The following ZNF804B variants were observed in gnomAD, a reference collection of about 807,000 sequenced individuals.
The protein encoded by ZNF804B is zinc finger 804B.
In ZNF804B, 80 loss-of-function variants were observed where a neutral mutation model predicts 101.4. The ratio of observed to expected loss-of-function variants is 0.79; its 90% CI spans 0.66 to 0.95. The LOEUF (loss-of-function observed/expected upper bound fraction) is 0.95. Ranked by LOEUF, ZNF804B falls within the 40% of genes least tolerant of loss-of-function variation. The pLI is 0.00. For synonymous variants in ZNF804B, 622 were observed against 558.8 expected, an observed-to-expected ratio of 1.11 and a Z score of -1.59; for missense variants, 1,673 against 1,561.9, an observed-to-expected ratio of 1.07 and a Z score of -1.20.
intron 1 of ZNF804B, among the ~76,000 whole-genome samples, chr7:89,041,540 G>T (rs1299811720): frequency 6.6e-6 from 1 of 152,172 alleles, no homozygotes; most frequent in Non-Finnish European, 1.5e-5. Context: ...GATTGAGTCT[G>T]GAGACTTGGT....
chr7:88,914,098 T>G (rs1346879021), intron 1 of ZNF804B, among the ~76,000 whole-genome samples: 3 of 152,184 alleles, frequency 2.0e-5, no homozygotes, highest in Admixed American at 6.5e-5. Context: ...GGTGGGTTTG[T>G]GGACATATGC....
chr7:89,107,199 G>A (rs1443097511), intron 1 of ZNF804B, among the ~76,000 whole-genome samples: 1 of 151,964 alleles, frequency 6.6e-6, no homozygotes, highest in Non-Finnish European at 1.5e-5. Flanking sequence ...TATAATAGTG[G>A]AGTAGTTTAT....
intron 2 of ZNF804B, among the ~76,000 whole-genome samples, chr7:89,275,615 G>T (rs1789968806): frequency 6.6e-6 from 1 of 151,810 alleles, no homozygotes; most frequent in Non-Finnish European, 1.5e-5. Flanking sequence ...CTCTATTTCA[G>T]ATCTCTGATC....
intron 1 of ZNF804B, among the ~76,000 whole-genome samples, chr7:88,827,204 T>C (rs1791061932): frequency 6.6e-6 from 1 of 151,968 alleles, no homozygotes; most frequent in Non-Finnish European, 1.5e-5. Flanking sequence ...ATATTTACTG[T>C]TAATTTCCAA....
At chr7:89,007,420 C>T (rs1457945458) in intron 1 of ZNF804B, among the ~76,000 whole-genome samples, 2 of 118,722 alleles carry the variant, frequency 1.7e-5, no homozygotes, top group East Asian at 3.0e-4. Context: ...ATACTTTGAA[C>T]ATGTTATCTA....
intron 1 of ZNF804B, among the ~76,000 whole-genome samples, chr7:88,961,886 C>T (rs775328429): frequency 1.3e-5 from 2 of 151,322 alleles, no homozygotes; most frequent in Non-Finnish European, 3.0e-5. Flanking sequence ...TGAGACATAT[C>T]TCCTATGAAA....
chr7:89,117,661 G>T (rs537992859), intron 1 of ZNF804B, among the ~76,000 whole-genome samples: 4 of 152,184 alleles, frequency 2.6e-5, no homozygotes, highest in African/African-American at 9.6e-5. Context: ...ATGCTATATT[G>T]ACTAAATTGT....
At chr7:88,779,919 C>T (rs893688783) in intron 1 of ZNF804B, among the ~76,000 whole-genome samples, 1 of 152,186 alleles carries the variant, frequency 6.6e-6, no homozygotes, top group Admixed American at 6.5e-5. Context: ...AGGGTCTATG[C>T]GTTAGAAGAT....
Position 88,993,573 on chromosome 7 carries a change from T to C in ZNF804B, c.109-224582T>C, listed in dbSNP as rs563805073. Among the ~76,000 whole-genome samples, 4 of 151,738 alleles carry C rather than the reference T, an allele frequency of 2.6e-5. No individual in the cohort carries two copies. In the East Asian group the frequency reaches 7.7e-4, roughly 29 times the overall value. ...CTGCACTGAACAAATGCTAGAATTA[T>C]CCTCTTCCAATTACTTTCTACAAAG... On this transcript the variant is annotated intron_variant, in intron 1 of 3. Coordinates refer to ENST00000333190, the MANE Select transcript of ZNF804B (RefSeq NM_181646.5).
chr7:89,148,547 T>C (rs927191728), intron 1 of ZNF804B, among the ~76,000 whole-genome samples: 1 of 152,078 alleles, frequency 6.6e-6, no homozygotes, highest in Non-Finnish European at 1.5e-5. Flanking sequence ...TTGAAGTTAT[T>C]CTAAAATAAT....
At chr7:89,089,613 A>G (rs915037226) in intron 1 of ZNF804B, among the ~76,000 whole-genome samples, 6 of 152,042 alleles carry the variant, frequency 3.9e-5, no homozygotes, top group East Asian at 1.9e-4. Flanking sequence ...AAACACACCA[A>G]TCACAAAAGC....
intron 1 of ZNF804B, among the ~76,000 whole-genome samples, chr7:89,207,667 A>G (rs928102005): frequency 2.0e-5 from 3 of 152,242 alleles, no homozygotes; most frequent in African/African-American, 7.2e-5. Flanking sequence ...TTTTACAGTT[A>G]TATGAGTTTT....
intron 1 of ZNF804B, among the ~76,000 whole-genome samples, chr7:89,011,157 G>A (rs1395295303): frequency 1.3e-5 from 2 of 151,864 alleles, no homozygotes; most frequent in Non-Finnish European, 2.9e-5. Context: ...GCAAGCAGGG[G>A]AAATGTCAGA....
intron 1 of ZNF804B, among the ~76,000 whole-genome samples, chr7:88,917,633 A>G (rs1364985940): frequency 6.6e-6 from 1 of 152,198 alleles, no homozygotes; most frequent in Non-Finnish European, 1.5e-5. Flanking sequence ...TTTTCTGAGT[A>G]AAATAGTGAT....
At chr7:89,227,284 A>G (rs1261011249) in intron 2 of ZNF804B, among the ~76,000 whole-genome samples, 2 of 152,160 alleles carry the variant, frequency 1.3e-5, no homozygotes, top group Non-Finnish European at 2.9e-5. Flanking sequence ...TGTAACTTTC[A>G]GTTTTATTGT....
intron 1 of ZNF804B, among the ~76,000 whole-genome samples, chr7:89,147,254 T>C (rs984344018): frequency 6.6e-5 from 10 of 151,986 alleles, no homozygotes; most frequent in African/African-American, 2.4e-4. Flanking sequence ...TGAGTATGTT[T>C]CAAAATGTTG....
intron 1 of ZNF804B, among the ~76,000 whole-genome samples, chr7:88,940,642 A>G (rs1363423145): frequency 1.3e-5 from 2 of 151,628 alleles, no homozygotes; most frequent in Non-Finnish European, 2.9e-5. Context: ...GGTGGTGTGC[A>G]CTTGTGGTCC....
intron 2 of ZNF804B, among the ~76,000 whole-genome samples, chr7:89,254,133 A>G (rs1323699217): frequency 1.3e-5 from 2 of 152,134 alleles, no homozygotes; most frequent in African/African-American, 2.4e-5. Flanking sequence ...CATTGCATTG[A>G]CGGTTCTAGC....
chr7:88,916,115 G>A (rs1478247268), intron 1 of ZNF804B, among the ~76,000 whole-genome samples: 1 of 151,958 alleles, frequency 6.6e-6, no homozygotes, highest in Non-Finnish European at 1.5e-5. Context: ...AGCAATGTTG[G>A]TTTCAAAGGC....
Sources: allele counts gnomAD v4.1 joint callset (sites outside exome capture counted in the v4.1 genomes callset), GRCh38; gene constraint gnomAD v4.1.1; transcripts MANE v1.5; gene names NCBI Gene and HGNC (gene_info 2026-07-23, HGNC 2026-07-21).